The following PTPRD variants were observed in gnomAD, a reference collection of about 807,000 sequenced individuals.
PTPRD encodes the protein protein tyrosine phosphatase receptor type D.
In PTPRD, 34 loss-of-function variants were observed where a neutral mutation model predicts 214.5. The observed-to-expected ratio is 0.16, with a 90% CI of 0.12 to 0.21. The LOEUF (loss-of-function observed/expected upper bound fraction) is 0.21, where lower values mean the gene tolerates loss of function less well. Among genes scored for constraint, PTPRD ranks in the 10% least tolerant of loss-of-function variants. PTPRD has a pLI of 1.00. For synonymous variants in PTPRD, 1,128 were observed against 845.7 expected (o/e 1.33, Z -5.79); for missense variants, 2,545 against 2,398.7 (o/e 1.06, Z -1.27).
intron 8 of PTPRD, among the ~76,000 whole-genome samples, chr9:9,486,427 G>C (rs575142219): frequency 2.4e-4 from 36 of 151,984 alleles, no homozygotes; most frequent in Non-Finnish European, 4.7e-4. Context: ...ATGTCTTTCA[G>C]ATTTCCAGCA....
chr9:9,114,436 G>A (rs901049698), intron 10 of PTPRD, among the ~76,000 whole-genome samples: 2 of 152,144 alleles, frequency 1.3e-5, no homozygotes, highest in African/African-American at 2.4e-5. Context: ...AAACCTCAGT[G>A]GGATCATTTG....
intron 10 of PTPRD, among the ~76,000 whole-genome samples, chr9:9,153,622 G>C (rs1021623710): frequency 5.9e-5 from 9 of 152,140 alleles, no homozygotes; most frequent in Non-Finnish European, 1.0e-4. Context: ...TACATTTAAA[G>C]ATGTGTATTT....
At chr9:8,925,727 T>C (rs889165122) in intron 11 of PTPRD, among the ~76,000 whole-genome samples, 3 of 151,670 alleles carry the variant, frequency 2.0e-5, no homozygotes, top group African/African-American at 7.3e-5. Context: ...CACCGAGTAC[T>C]GTTCTGTTCA....
intron 10 of PTPRD, among the ~76,000 whole-genome samples, chr9:9,101,106 AG>A (rs2099790679): frequency 2.4e-5 from 1 of 42,268 alleles, no homozygotes; most frequent in Non-Finnish European, 8.3e-5. Flanking sequence ...TAAAACAGAG[AG>A]AGAGAGAGAG....
intron 9 of PTPRD, among the ~76,000 whole-genome samples, chr9:9,276,261 T>C (rs1385319465): frequency 6.6e-6 from 1 of 151,380 alleles, no homozygotes; most frequent in African/African-American, 2.4e-5. Context: ...TTCTGTCTTC[T>C]CCTGTCTGTT....
intron 35 of PTPRD, among the ~76,000 whole-genome samples, chr9:8,412,000 T>C (rs944777316): frequency 2.0e-5 from 3 of 152,238 alleles, no homozygotes; most frequent in African/African-American, 4.8e-5. Flanking sequence ...GTTATTAAAC[T>C]GCTTTGTTTA....
At chr9:8,379,537 C>T (rs889302686) in intron 37 of PTPRD, among the ~76,000 whole-genome samples, 5 of 152,108 alleles carry the variant, frequency 3.3e-5, no homozygotes, top group Admixed American at 3.3e-4. Flanking sequence ...AAAAGGAGAA[C>T]AATAGAGATA....
intron 6 of PTPRD, among the ~76,000 whole-genome samples, chr9:9,741,320 AATAG>A (rs1181972790): frequency 6.6e-6 from 1 of 151,554 alleles, no homozygotes; most frequent in Non-Finnish European, 1.5e-5. Context: ...AATAACCAAT[AATAG>A]ATACACAGGC....
At chr9:9,241,669 C>G (rs1251551385) in intron 9 of PTPRD, among the ~76,000 whole-genome samples, 1 of 151,760 alleles carries the variant, frequency 6.6e-6, no homozygotes, top group Non-Finnish European at 1.5e-5. Context: ...ATTGCAACCC[C>G]TGCCTTTTTT....
intron 4 of PTPRD, among the ~76,000 whole-genome samples, chr9:9,977,668 G>A (rs992394878): frequency 6.6e-6 from 1 of 151,988 alleles, no homozygotes; most frequent in Admixed American, 6.6e-5. Context: ...ATATCAATTC[G>A]CGTTTGATGA....
chr9:9,341,464 C>A (rs2046782699), intron 9 of PTPRD, among the ~76,000 whole-genome samples: 1 of 152,128 alleles, frequency 6.6e-6, no homozygotes, highest in Admixed American at 6.6e-5. Flanking sequence ...ATTCAGTGCC[C>A]ATGCTCAGAC....
Position 8,341,220 on chromosome 9 carries a change from G to A in PTPRD, c.4996C>T (p.Leu1666Phe), listed in dbSNP as rs1175706111. ...CGATTTTTGAATTTATTACATGGAAGATTGGCACTGATAAACCTTGAGGTG... is the reference window on the plus strand; with the variant it reads ...CGATTTTTGAATTTATTACATGGAAAATTGGCACTGATAAACCTTGAGGTG... ...AHTSRFISAN[L>F]PCNKFKNRLV... Residue 1666 changes from leucine to phenylalanine, a missense_variant, in exon 41 of 46, where the codon CTT (leucine) becomes TTT (phenylalanine). By Grantham distance (22) the Leu-to-Phe change is conservative. Transcript: ENST00000381196. 1 of 1,612,670 alleles carries A rather than the reference G, an allele frequency of 6.2e-7. No individual in the cohort carries two copies. The highest frequency in any genetic ancestry group is 8.5e-7 in the Non-Finnish European group (1 of 1,179,306).
intron 9 of PTPRD, among the ~76,000 whole-genome samples, chr9:9,232,345 C>T (rs1021220752): frequency 1.3e-5 from 2 of 152,278 alleles, no homozygotes; most frequent in African/African-American, 4.8e-5. Context: ...TACTAAAGAA[C>T]TATCAATCTG....
intron 10 of PTPRD, among the ~76,000 whole-genome samples, chr9:9,164,715 T>C (rs1001206495): frequency 6.6e-6 from 1 of 152,070 alleles, no homozygotes; most frequent in Non-Finnish European, 1.5e-5. Flanking sequence ...ATTTCTTTTT[T>C]AAAAAATTTC....
At chr9:10,207,636 T>C (rs1040452793) in intron 3 of PTPRD, among the ~76,000 whole-genome samples, 26 of 151,946 alleles carry the variant, frequency 1.7e-4, no homozygotes, top group African/African-American at 2.9e-4. Context: ...TTTGTAGTTT[T>C]TTAAATATTC....
chr9:8,922,413 A>C lies in PTPRD; in HGVS notation c.-104+96284T>G, dbSNP rs149344372. Among the ~76,000 whole-genome samples, 380 of 152,216 alleles carry C rather than the reference A, an allele frequency of 2.5e-3. 3 individuals are homozygous for C. The highest frequency in any genetic ancestry group is 8.7e-3 in the African/African-American group (362 of 41,508). ...CACACATCATGCTAAATGAACCATT[A>C]CTCCATGGTCGTATCCCTTACCTCC... On this transcript the variant is annotated intron_variant, in intron 11 of 45. Coordinates refer to ENST00000381196, the MANE Select transcript of PTPRD (RefSeq NM_002839.4).
At chr9:8,795,771 CAA>C (rs1038894654) in intron 11 of PTPRD, among the ~76,000 whole-genome samples, 11 of 152,208 alleles carry the variant, frequency 7.2e-5, no homozygotes, top group African/African-American at 2.6e-4. Flanking sequence ...ATTCTAAAGT[CAA>C]AGTTATCTAA....
At chr9:9,160,234 T>C (rs776804782) in intron 10 of PTPRD, among the ~76,000 whole-genome samples, 8 of 152,078 alleles carry the variant, frequency 5.3e-5, no homozygotes, top group South Asian at 2.1e-4. Flanking sequence ...CAAAGGAAAT[T>C]ATTAACAAAG....
intron 8 of PTPRD, among the ~76,000 whole-genome samples, chr9:9,436,003 T>C (rs536824477): frequency 3.5e-4 from 54 of 152,264 alleles, no homozygotes; most frequent in African/African-American, 1.3e-3. Context: ...CTGCTCACTT[T>C]CCTGTAGATA....
Sources: allele counts gnomAD v4.1 joint callset (sites outside exome capture counted in the v4.1 genomes callset), GRCh38; gene constraint gnomAD v4.1.1; transcripts MANE v1.5; gene names NCBI Gene and HGNC (gene_info 2026-07-23, HGNC 2026-07-21).